Variants in MCM3AP observed in about 807,000 individuals in gnomAD.
The protein encoded by MCM3AP is germinal-center associated nuclear protein.
A neutral mutation model predicts 184.1 loss-of-function variants in MCM3AP; 126 were observed. The ratio of observed to expected loss-of-function variants is 0.68; its 90% CI spans 0.59 to 0.79. The LOEUF is 0.79. Ranked by LOEUF, MCM3AP falls within the 30% of genes least tolerant of loss-of-function variation. The probability of loss-of-function intolerance (pLI) is 0.00; values close to 1 mark genes in which losing one functional copy is unlikely to be tolerated. For missense variants in MCM3AP, 2,496 were observed against 2,479.2 expected, an observed-to-expected ratio of 1.01 and a Z score of -0.14; for synonymous variants, 1,002 against 979.3, an observed-to-expected ratio of 1.02 and a Z score of -0.43.
At chr21:46,258,597 C>A (rs1290357781) in intron 16 of MCM3AP, among the ~76,000 whole-genome samples, 2 of 152,160 alleles carry the variant, frequency 1.3e-5, no homozygotes, top group Non-Finnish European at 2.9e-5. Context: ...TTGGTGCATG[C>A]AGCCATAATC....
chr21:46,246,902 G>A lies in MCM3AP; in HGVS notation c.4291-16C>T, dbSNP rs765366488. On this transcript the variant is annotated splice_polypyrimidine_tract_variant and intron_variant, in intron 20 of 27. Transcript: ENST00000291688. ...CATGGGCCACCTGCAACAGCATCAA[G>A]ATCATCAGGAGAGATGCACCATGGG... 57 of 1,612,294 alleles carry A rather than the reference G, an allele frequency of 3.5e-5. No individual in the cohort carries two copies. Among genetic ancestry groups the A allele is most frequent in the Non-Finnish European group, 4.6e-5 (54 of 1,178,752 alleles).
At chr21:46,279,828 G>A (rs1226314941) in intron 4 of MCM3AP, among the ~76,000 whole-genome samples, 165 bp downstream of exon 4, 1 of 152,076 alleles carries the variant, frequency 6.6e-6, no homozygotes, top group East Asian at 1.9e-4. Context: ...GGCCCATGCT[G>A]GCAGGAGGGG....
intron 2 of MCM3AP, among the ~76,000 whole-genome samples, chr21:46,281,377 C>G (rs377261858): frequency 2.6e-5 from 4 of 152,272 alleles, no homozygotes; most frequent in East Asian, 3.9e-4. Flanking sequence ...CTGGACTGCT[C>G]CTGAGTAACA....
chr21:46,238,978 CAAG>C (rs1182081307), intron 26 of MCM3AP, among the ~76,000 whole-genome samples: 1 of 152,138 alleles, frequency 6.6e-6, no homozygotes, highest in African/African-American at 2.4e-5. Context: ...GCCATGGAAA[CAAG>C]AAGGTCGGAG....
intron 20 of MCM3AP, chr21:46,250,446 A>G (rs1183411374): frequency 6.6e-6 from 1 of 152,286 alleles, no homozygotes; most frequent in Non-Finnish European, 1.5e-5. Context: ...CACTTCTGAC[A>G]GACAGAAGCC....
chr21:46,245,382 G>A (rs1227806204), intron 22 of MCM3AP, among the ~76,000 whole-genome samples, 185 bp from the exon 23 acceptor site: 1 of 152,154 alleles, frequency 6.6e-6, no homozygotes. Context: ...GGGCTCTGGA[G>A]ACATGTCCAG....
In MCM3AP at chr21:46,284,101, C is replaced by A; in HGVS notation, c.1186G>T (p.Glu396Ter). 1 of 1,613,918 alleles carries A rather than the reference C, an allele frequency of 6.2e-7. No individual in the cohort carries two copies. Among genetic ancestry groups the A allele is most frequent in the Non-Finnish European group, 8.5e-7 (1 of 1,179,910 alleles). Residue 396 changes from glutamate to a stop codon, truncating the protein, a stop_gained, in exon 1 of 28, where the codon GAG becomes TAG. Coordinates refer to ENST00000291688, the MANE Select transcript of MCM3AP (RefSeq NM_003906.5). LOFTEE classifies it high-confidence loss of function. The stretch of plus-strand genomic sequence containing the variant: ...TTCTCTCTACTTTCAGTTTCTTCCT[C>A]TTTATTCACACCTGGAATCCGGGAA... ...APSRIPGVNK[E>*]EETESREKKE...
chr21:46,284,172 C>A lies in MCM3AP; in HGVS notation c.1115G>T (p.Ser372Ile). ...CCCTCCTGGGATAGCCATGTGGTCA[C>A]TTTCTGCAGACTCAACAAAGCCAGT... ...KETGFVESAE[S>I]DHMAIPGGNQ... The change falls in exon 1 of 28, where the codon AGT becomes ATT. Residue 372 changes from serine (S) to isoleucine (I), a missense_variant. By Grantham distance (142) the Ser-to-Ile change is moderately radical. Around this residue, in one of 5 missense-constraint regions of MCM3AP, gnomAD observed 800 missense variants for 717.1 expected, o/e 1.12. Transcript: ENST00000291688. The A allele has an allele frequency of 1.2e-6, 2 of 1,614,242 alleles. No individual in the cohort carries two copies. The highest frequency in any genetic ancestry group is 1.7e-6 in the Non-Finnish European group (2 of 1,180,046).
At chr21:46,265,559 G>A (rs780713966) in intron 11 of MCM3AP, 36 bp from the exon 12 acceptor site, 1 of 1,497,174 alleles carries the variant, frequency 6.7e-7, no homozygotes, top group East Asian at 2.3e-5. Context: ...CATAGCTGCA[G>A]ACACAGGGTG....
rs2080737122 is a variant in MCM3AP, at chr21:46,244,856, C to A, written c.4989G>T (p.Gln1663His). The part of the protein sequence containing the change: ...NAPEHLAWLK[Q>H]AVLGFQLPQM... ...GCGGAAGCTGGAACCCGAGCACAGC[C>A]TGCTTCAGCCAGGCCAGGTGCTCTG... Residue 1663 changes from glutamine (Q) to histidine (H), a missense_variant, in exon 23 of 28, where the codon CAG becomes CAT. Gln to His is a conservative substitution (Grantham distance 24). Transcript: ENST00000291688. 2 of 1,614,108 alleles carry A rather than the reference C, an allele frequency of 1.2e-6. No homozygotes were observed. The highest frequency in any genetic ancestry group is 1.7e-6 in the Non-Finnish European group (2 of 1,180,042).
At chr21:46,243,289 C>A (rs138826133) in intron 24 of MCM3AP, 176 bp downstream of exon 24, 1 of 827,280 alleles carries the variant, frequency 1.2e-6, no homozygotes, top group Non-Finnish European at 1.9e-6. Context: ...CTACCAGAAA[C>A]TTCCTAGCCT....
intron 9 of MCM3AP, among the ~76,000 whole-genome samples, chr21:46,268,978 C>G (rs62223659): frequency 6.6e-6 from 1 of 151,918 alleles, no homozygotes; most frequent in Non-Finnish European, 1.5e-5. Flanking sequence ...GCAGAAGTTG[C>G]GGTGAGCAGA....
rs924304133 is a variant in MCM3AP at position 46,235,339 on chromosome 21, G to A, written c.5872C>T (p.Arg1958Trp). 3.5e-5 allele frequency: 56 copies of A among 1,614,086 alleles called. No individual in the cohort carries two copies. The highest frequency in any genetic ancestry group is 6.7e-5 in the East Asian group (3 of 44,878). Residue 1958 changes from arginine to tryptophan, a missense_variant, in exon 28 of 28, where the codon CGG becomes TGG. Arg to Trp is a moderately radical substitution (Grantham distance 101). Coordinates refer to ENST00000291688, the MANE Select transcript of MCM3AP (RefSeq NM_003906.5). ...ERLKHLERLI[R>W]SSREEEVASE... ...GCAACTTCCTCTTCCCTTGAACTCC[G>A]GATCAGCCTTTCCAGGTGCTTTAGT...
chr21:46,273,367 C>A, intron 7 of MCM3AP, 21 bp downstream of exon 7: 2 of 1,606,676 alleles, frequency 1.2e-6, no homozygotes, highest in Non-Finnish European at 1.7e-6. Context: ...TTTTAGCATC[C>A]AGGTTGGAGG....
intron 13 of MCM3AP, among the ~76,000 whole-genome samples, 183 bp from the exon 14 acceptor site, chr21:46,261,594 G>A (rs901329914): frequency 7.2e-5 from 11 of 151,786 alleles, no homozygotes; most frequent in South Asian, 4.2e-4. Flanking sequence ...TTAGCCAGGC[G>A]CGGCAGCACA....
At chr21:46,251,708 CAAA>C (rs549117278) in intron 19 of MCM3AP, 26 bp from the exon 20 acceptor site, 1 of 1,404,928 alleles carries the variant, frequency 7.1e-7, no homozygotes. Context: ...AAACAAAAAA[CAAA>C]AAAAACACTT....
At chr21:46,258,185 A>G (rs984177555) in intron 16 of MCM3AP, among the ~76,000 whole-genome samples, 3 of 152,228 alleles carry the variant, frequency 2.0e-5, no homozygotes, top group African/African-American at 7.2e-5. Context: ...TGCTGCTCGC[A>G]CAATGGACAG....
chr21:46,244,995 T>C lies in MCM3AP; in HGVS notation c.4850A>G (p.Gln1617Arg). 4 of 1,614,226 alleles carry C rather than the reference T, an allele frequency of 2.5e-6. No homozygotes were observed. The highest frequency in any genetic ancestry group is 1.7e-5 in the Admixed American group (1 of 60,034). ...AGAGGACACCACAGAAGCCAGGAACTGCAGCACACTGTTAAACAGCTCAAT... is the reference window on the plus strand; with the variant it reads ...AGAGGACACCACAGAAGCCAGGAACCGCAGCACACTGTTAAACAGCTCAAT... ...AIIELFNSVL[Q>R]FLASVVSSEQ... The change falls in exon 23 of 28, where the codon CAG (glutamine) becomes CGG (arginine). Residue 1617 changes from glutamine (Q) to arginine (R), a missense_variant. Gln to Arg is a conservative substitution (Grantham distance 43). Transcript: ENST00000291688.
rs747767135 is a variant in MCM3AP at position 46,242,884 on chromosome 21, C to A, written c.5344G>T (p.Asp1782Tyr). ...AAAGGAACATCATATTTTTTCAAAT[C>A]GTTTTTAAAAAAATACACACATATC... ...GQICVYFFKNDLKKYDVPLSW... is the reference protein window; with the variant it reads ...GQICVYFFKNYLKKYDVPLSW... Residue 1782 changes from aspartate to tyrosine, a missense_variant, in exon 25 of 28, where the codon GAT becomes TAT. Transcript: ENST00000291688. 2 of 1,612,130 alleles carry A rather than the reference C, an allele frequency of 1.2e-6. No individual in the cohort carries two copies. Among genetic ancestry groups the A allele is most frequent in the Non-Finnish European group, 1.7e-6 (2 of 1,179,096 alleles).
Sources: gnomAD v4.1 joint callset for allele counts (sites outside exome capture counted in the v4.1 genomes callset) on GRCh38, gnomAD v4.1.1 for gene constraint, gnomAD v4.1.1 regional missense constraint, MANE v1.5 for transcripts, NCBI Gene and HGNC (gene_info 2026-07-23, HGNC 2026-07-21) for gene names.